Variants in WWOX observed in about 807,000 individuals in gnomAD.
WWOX encodes WW domain-containing oxidoreductase.
Under a neutral mutation model 46.2 loss-of-function variants are expected in WWOX, and 69 were observed. The ratio of observed to expected loss-of-function variants is 1.49; its 90% CI spans 1.23 to 1.82. The LOEUF (loss-of-function observed/expected upper bound fraction) is 1.82, where lower values mean the gene tolerates loss of function less well. Among genes scored for constraint, WWOX ranks in the 40% most tolerant of loss-of-function variants. WWOX has a pLI of 0.00. For missense variants in WWOX, 919 were observed against 542.6 expected, an observed-to-expected ratio of 1.69 and a Z score of -6.89; for synonymous variants, 359 against 202.6, an observed-to-expected ratio of 1.77 and a Z score of -6.56.
intron 8 of WWOX, among the ~76,000 whole-genome samples, chr16:79,152,639 C>G (rs891217535): frequency 5.9e-5 from 9 of 151,498 alleles, no homozygotes; most frequent in Admixed American, 1.3e-4. Context: ...CCACTGCACT[C>G]CAGCTTGGCG....
intron 6 of WWOX, among the ~76,000 whole-genome samples, chr16:78,396,399 A>G (rs1447375014): frequency 1.3e-5 from 2 of 152,210 alleles, no homozygotes; most frequent in Non-Finnish European, 2.9e-5. Context: ...ACCAATGTTC[A>G]CAAAATAAAC....
intron 8 of WWOX, among the ~76,000 whole-genome samples, chr16:78,683,290 T>A (rs960464076): frequency 2.5e-5 from 3 of 119,928 alleles, no homozygotes; most frequent in Non-Finnish European, 5.8e-5. Context: ...GTGGGTGGAT[T>A]GCCTGAGCTC....
chr16:78,826,723 A>T (rs1292908232), intron 8 of WWOX, among the ~76,000 whole-genome samples: 1 of 152,176 alleles, frequency 6.6e-6, no homozygotes, highest in Non-Finnish European at 1.5e-5. Context: ...AGGGATTTGG[A>T]TATGGAACTG....
chr16:79,168,456 G>C (rs903895749), intron 8 of WWOX, among the ~76,000 whole-genome samples: 1 of 152,094 alleles, frequency 6.6e-6, no homozygotes, highest in Non-Finnish European at 1.5e-5. Flanking sequence ...TCAACCCCCA[G>C]GGACTTACTC....
chr16:78,329,227 G>A (rs1232086989), intron 5 of WWOX, among the ~76,000 whole-genome samples: 2 of 152,124 alleles, frequency 1.3e-5, no homozygotes, highest in African/African-American at 2.4e-5. Context: ...GGTATCGGTG[G>A]ACTGAACGTT....
intron 8 of WWOX, among the ~76,000 whole-genome samples, chr16:78,473,715 C>G (rs944291251): frequency 6.6e-6 from 1 of 152,096 alleles, no homozygotes; most frequent in African/African-American, 2.4e-5. Context: ...CCTGTGTACC[C>G]TACTCTTTAC....
At chr16:78,392,953 C>T (rs1028608508) in intron 6 of WWOX, among the ~76,000 whole-genome samples, 1 of 152,112 alleles carries the variant, frequency 6.6e-6, no homozygotes, top group African/African-American at 2.4e-5. Flanking sequence ...GATAGTTCTC[C>T]TCAGAGTTAG....
intron 1 of WWOX, among the ~76,000 whole-genome samples, chr16:78,102,685 T>C (rs7197900): frequency 0.51 from 77,597 of 152,102 alleles, 19,930 homozygotes; most frequent in East Asian, 0.64. Flanking sequence ...AGTCACCTTG[T>C]TTCTCTGCTT....
chr16:78,736,403 T>C (rs1315577233), intron 8 of WWOX, among the ~76,000 whole-genome samples: 1 of 152,140 alleles, frequency 6.6e-6, no homozygotes, highest in Admixed American at 6.5e-5. Context: ...CAGCAGCTGC[T>C]AAAAGGGGAT....
At chr16:78,529,891 A>C (rs1300298155) in intron 8 of WWOX, among the ~76,000 whole-genome samples, 1 of 152,224 alleles carries the variant, frequency 6.6e-6, no homozygotes, top group African/African-American at 2.4e-5. Flanking sequence ...AGGTAATGCT[A>C]ATCATAAAGT....
chr16:78,446,657 CTTTT>C (rs5818138), intron 8 of WWOX, among the ~76,000 whole-genome samples: 40 of 88,108 alleles, frequency 4.5e-4, no homozygotes, highest in African/African-American at 1.5e-3. Context: ...CAAGTGTATA[CTTTT>C]TTTTTTTTTT....
chr16:78,384,288 A>G (rs2082015926), intron 5 of WWOX, among the ~76,000 whole-genome samples: 1 of 152,138 alleles, frequency 6.6e-6, no homozygotes, highest in African/African-American at 2.4e-5. Context: ...AGTGAGTGTC[A>G]TGCTCCAAGT....
intron 8 of WWOX, among the ~76,000 whole-genome samples, chr16:78,516,561 A>C (rs2043239587): frequency 6.6e-6 from 1 of 152,160 alleles, no homozygotes; most frequent in Admixed American, 6.5e-5. Context: ...GAATCTTTAA[A>C]ATATCATGCA....
intron 8 of WWOX, among the ~76,000 whole-genome samples, chr16:78,892,862 T>C (rs2151230280): frequency 6.6e-6 from 1 of 152,322 alleles, no homozygotes; most frequent in Middle Eastern, 3.4e-3. Context: ...TGTTTGAGCA[T>C]GTTGGCTTCA....
intron 8 of WWOX, among the ~76,000 whole-genome samples, chr16:78,855,822 C>T (rs148603240): frequency 6.6e-6 from 1 of 152,284 alleles, no homozygotes; most frequent in East Asian, 1.9e-4. Flanking sequence ...TCCTGACTTC[C>T]ACCTTGGGTC....
chr16:79,034,766 C>T (rs977977254), intron 8 of WWOX, among the ~76,000 whole-genome samples: 1 of 151,954 alleles, frequency 6.6e-6, no homozygotes, highest in Non-Finnish European at 1.5e-5. Flanking sequence ...CACTTGCTTA[C>T]TTGGAATGCC....
intron 8 of WWOX, among the ~76,000 whole-genome samples, chr16:78,730,617 A>ATTTTTT (rs536906826): frequency 1.1e-3 from 141 of 123,048 alleles, no homozygotes; most frequent in South Asian, 6.5e-3. Context: ...ACGCCCGGCA[A>ATTTTTT]TTTTTTTTTT....
At chr16:79,122,013 T>A (rs1028446631) in intron 8 of WWOX, among the ~76,000 whole-genome samples, 3 of 152,020 alleles carry the variant, frequency 2.0e-5, no homozygotes, top group African/African-American at 7.2e-5. Context: ...AAATACCAAG[T>A]TAAGAGCATT....
At chr16:78,764,312 G>C (rs868365487) in intron 8 of WWOX, among the ~76,000 whole-genome samples, 14 of 151,546 alleles carry the variant, frequency 9.2e-5, no homozygotes, top group Admixed American at 2.0e-4. Context: ...ATGGCCTTTT[G>C]GTCAGCATTG....
Sources: allele counts gnomAD v4.1 joint callset (sites outside exome capture counted in the v4.1 genomes callset), GRCh38; gene constraint gnomAD v4.1.1; transcripts MANE v1.5; gene names NCBI Gene and HGNC (gene_info 2026-07-23, HGNC 2026-07-21).